The following TRAPPC3L variants were observed in gnomAD, a reference collection of about 807,000 sequenced individuals.
TRAPPC3L encodes trafficking protein particle complex subunit 3-like protein.
Under a neutral mutation model 23.7 loss-of-function variants are expected in TRAPPC3L, and 23 were observed. That is an observed-to-expected ratio of 0.97 (90% CI 0.70 to 1.37). The LOEUF (loss-of-function observed/expected upper bound fraction) is 1.37. Among genes scored for constraint, TRAPPC3L ranks in the 40% most tolerant of loss-of-function variants. The pLI, the probability that TRAPPC3L is intolerant of heterozygous loss-of-function variation, is 0.00. For missense variants in TRAPPC3L, 212 were observed against 216.8 expected, an observed-to-expected ratio of 0.98 and a Z score of 0.14; for synonymous variants, 81 against 77.9, an observed-to-expected ratio of 1.04 and a Z score of -0.21.
At position 116,500,682 on chromosome 6, in the gene TRAPPC3L, C is replaced by T. The variant is rs999240076; in HGVS notation, c.241-16G>A. The T allele has an allele frequency of 2.6e-6, 4 of 1,548,974 alleles. No homozygotes were observed. The highest frequency in any genetic ancestry group is 1.7e-4 in the Middle Eastern group (1 of 5,974). Reference sequence around the variant, plus strand: ...TGAAAGCAACCTGATAAGAAAAAAACAAAATTACTAAAACTTGGTCTAGAA... The same window carrying T: ...TGAAAGCAACCTGATAAGAAAAAAATAAAATTACTAAAACTTGGTCTAGAA... On this transcript the variant is annotated splice_polypyrimidine_tract_variant and intron_variant, in intron 3 of 4. Transcript: ENST00000368602.
intron 3 of TRAPPC3L, among the ~76,000 whole-genome samples, chr6:116,506,917 C>T (rs1288768270): frequency 2.0e-5 from 3 of 151,990 alleles, no homozygotes; most frequent in African/African-American, 4.8e-5. Context: ...ATGTAAATGT[C>T]GAGGTGATTG....
chr6:116,496,886 CTA>C lies in TRAPPC3L; in HGVS notation c.*66_*67del, dbSNP rs3832400. On this transcript the variant is annotated 3_prime_UTR_variant, in exon 5 of 5. Transcript: ENST00000368602. Reference sequence around the variant, plus strand: ...CATGCTATGAAGCAATTCAAAATTTCTATGTCTATACATGTTTAGCTAACATT... The same window carrying C: ...CATGCTATGAAGCAATTCAAAATTTCTGTCTATACATGTTTAGCTAACATT... The C allele has an allele frequency of 2.5e-4, 358 of 1,457,200 alleles. 2 individuals carry two copies. In the East Asian group the frequency reaches 8.8e-3, roughly 36 times the overall value. 90.3% of individuals were successfully genotyped at this position (1,457,200 alleles called of 1,614,324 possible). A position where few individuals can be genotyped will look rare whatever the true frequency, so the allele number is the denominator to read the frequency against.
At chr6:116,499,127 C>T (rs879886947) in intron 4 of TRAPPC3L, among the ~76,000 whole-genome samples, 4 of 152,176 alleles carry the variant, frequency 2.6e-5, no homozygotes, top group African/African-American at 2.4e-5. Context: ...GGTTTTGTTC[C>T]TCTTGGTTTA....
chr6:116,513,230 T>C (rs2115165827), intron 3 of TRAPPC3L, among the ~76,000 whole-genome samples: 1 of 152,314 alleles, frequency 6.6e-6, no homozygotes, highest in African/African-American at 2.4e-5. Context: ...GCAAAATCTG[T>C]TTTTAAAATC....
chr6:116,514,077 G>A (rs1036272627), intron 3 of TRAPPC3L, among the ~76,000 whole-genome samples: 10 of 152,156 alleles, frequency 6.6e-5, no homozygotes, highest in Admixed American at 6.6e-4. Context: ...GCCATGGTTT[G>A]GGGGAGGACA....
intron 4 of TRAPPC3L, among the ~76,000 whole-genome samples, chr6:116,500,065 T>C (rs1771889390): frequency 6.6e-6 from 1 of 152,172 alleles, no homozygotes; most frequent in Non-Finnish European, 1.5e-5. Context: ...TAAGTGGCCA[T>C]GTTGTGATTA....
chr6:116,539,537 C>G (rs1405730388), intron 3 of TRAPPC3L, among the ~76,000 whole-genome samples: 1 of 152,120 alleles, frequency 6.6e-6, no homozygotes, highest in Non-Finnish European at 1.5e-5. Context: ...GATAGTAACT[C>G]CAATTCTGCC....
rs1377048113 is a variant in TRAPPC3L, at chr6:116,524,940, T to A, written c.240+15423A>T. On this transcript the variant is annotated intron_variant, in intron 3 of 4. Coordinates refer to ENST00000368602, the MANE Select transcript of TRAPPC3L (RefSeq NM_001139444.3). The stretch of plus-strand genomic sequence containing the variant: ...TCTTGGCTCTTGTTTCATCTAAGTT[T>A]CACAAGCATACTGGGAGGCAGGTAT... 3.3e-5 allele frequency: 5 copies of A among 152,176 alleles called. No individual in the cohort carries two copies. In the East Asian group the frequency reaches 9.6e-4, roughly 29 times the overall value. 9.4% of individuals were successfully genotyped at this position (152,176 alleles called of 1,614,324 possible). A position where few individuals can be genotyped will look rare whatever the true frequency, so the allele number is the denominator to read the frequency against.
intron 3 of TRAPPC3L, among the ~76,000 whole-genome samples, chr6:116,527,911 A>G (rs1772495033): frequency 6.6e-6 from 1 of 152,198 alleles, no homozygotes; most frequent in African/African-American, 2.4e-5. Flanking sequence ...ATGTATACCT[A>G]TGTAAGAAGC....
At chr6:116,504,766 C>T (rs1583265963) in intron 3 of TRAPPC3L, among the ~76,000 whole-genome samples, 2 of 152,248 alleles carry the variant, frequency 1.3e-5, no homozygotes. Flanking sequence ...AAGACAAAAG[C>T]CACATGATTA....
At chr6:116,502,682 A>G (rs1212648975) in intron 3 of TRAPPC3L, among the ~76,000 whole-genome samples, 1 of 152,264 alleles carries the variant, frequency 6.6e-6, no homozygotes, top group Non-Finnish European at 1.5e-5. Flanking sequence ...ATTTCTTGGC[A>G]GAAACACTAC....
chr6:116,512,814 T>G (rs986878757), intron 3 of TRAPPC3L, among the ~76,000 whole-genome samples: 3 of 152,202 alleles, frequency 2.0e-5, no homozygotes, highest in Non-Finnish European at 2.9e-5. Flanking sequence ...GAATCAGCAG[T>G]TTTTAAATAG....
intron 3 of TRAPPC3L, among the ~76,000 whole-genome samples, chr6:116,539,011 G>A (rs1773271084): frequency 6.6e-6 from 1 of 151,998 alleles, no homozygotes; most frequent in Non-Finnish European, 1.5e-5. Context: ...GATGAATTTT[G>A]GCAAAGATCA....
intron 3 of TRAPPC3L, among the ~76,000 whole-genome samples, chr6:116,510,041 G>C (rs1204880580): frequency 4.6e-5 from 7 of 152,080 alleles, no homozygotes; most frequent in Non-Finnish European, 8.8e-5. Flanking sequence ...TTTCTCAAAA[G>C]AAGATATACA....
At chr6:116,511,183 G>GATATATATATATATATATATATATAT (rs59420398) in intron 3 of TRAPPC3L, among the ~76,000 whole-genome samples, 5 of 141,516 alleles carry the variant, frequency 3.5e-5, no homozygotes, top group African/African-American at 1.3e-4. Context: ...AAAAGCTATT[G>GATATATATATATATATATATATATAT]ATATATATAT....
chr6:116,533,043 T>C (rs1424184421), intron 3 of TRAPPC3L, among the ~76,000 whole-genome samples: 1 of 152,240 alleles, frequency 6.6e-6, no homozygotes, highest in Non-Finnish European at 1.5e-5. Flanking sequence ...AGCCCCCAGC[T>C]ACATCTTTCA....
chr6:116,541,230 A>G (rs940516311), intron 2 of TRAPPC3L, among the ~76,000 whole-genome samples: 5 of 152,214 alleles, frequency 3.3e-5, no homozygotes, highest in Admixed American at 2.6e-4. Flanking sequence ...AAAAACGACT[A>G]GATTTCCCAG....
chr6:116,527,458 T>C (rs1772470469), intron 3 of TRAPPC3L, among the ~76,000 whole-genome samples: 1 of 138,756 alleles, frequency 7.2e-6, no homozygotes, highest in Non-Finnish European at 1.5e-5. Context: ...GAGCTTGCAG[T>C]GAGCCGACAT....
At chr6:116,542,404 T>C (rs902520315) in intron 2 of TRAPPC3L, among the ~76,000 whole-genome samples, 4 of 152,110 alleles carry the variant, frequency 2.6e-5, no homozygotes, top group Non-Finnish European at 5.9e-5. Flanking sequence ...CTTTCAATCT[T>C]TATGTTGTCT....
Sources: allele counts gnomAD v4.1 joint callset (sites outside exome capture counted in the v4.1 genomes callset), GRCh38; gene constraint gnomAD v4.1.1; transcripts MANE v1.5; gene names NCBI Gene and HGNC (gene_info 2026-07-23, HGNC 2026-07-21).